The following ERBB4 variants were observed in gnomAD, a reference collection of about 807,000 sequenced individuals.
ERBB4 encodes the protein receptor tyrosine-protein kinase erbB-4.
ERBB4 carries 42 observed loss-of-function variants against 158.0 expected under a neutral mutation model. The ratio of observed to expected loss-of-function variants is 0.27; its 90% CI spans 0.21 to 0.34. The LOEUF (loss-of-function observed/expected upper bound fraction) is 0.34. ERBB4 is among the 10% of genes least tolerant of loss of function. The pLI is 1.00. For synonymous variants in ERBB4, 583 were observed against 558.7 expected (o/e 1.04, Z -0.61); for missense variants, 1,333 against 1,624.1 (o/e 0.82, Z 3.08).
At position 212,191,817 on chromosome 2, in the gene ERBB4, A is replaced by T. The variant is rs993132892; in HGVS notation, c.83-66914T>A. Among the ~76,000 whole-genome samples, 30 of 138,018 alleles carry T rather than the reference A, an allele frequency of 2.2e-4. 1 individual carries two copies. Among genetic ancestry groups the T allele is most frequent in the Non-Finnish European group, 4.6e-4 (29 of 63,018 alleles). 90.5% of individuals were successfully genotyped at this position (138,018 alleles called of 152,430 possible). A position where few individuals can be genotyped will look rare whatever the true frequency, so the allele number is the denominator to read the frequency against. ...CTATATGTTATATATAATACATGTT[A>T]TATATGTTCTATGTTATATATAATA... On this transcript the variant is annotated intron_variant, in intron 1 of 27. Transcript: ENST00000342788.
intron 1 of ERBB4, among the ~76,000 whole-genome samples, chr2:212,288,833 A>C (rs1329012796): frequency 6.6e-6 from 1 of 152,036 alleles, no homozygotes; most frequent in Non-Finnish European, 1.5e-5. Flanking sequence ...TCCCACCAAG[A>C]CTACCTGTTT....
intron 1 of ERBB4, among the ~76,000 whole-genome samples, chr2:212,129,500 AAT>A (rs1352502077): frequency 2.0e-5 from 3 of 151,646 alleles, no homozygotes; most frequent in African/African-American, 7.2e-5. Context: ...TATTCATTTA[AAT>A]ATTTGTATGG....
At chr2:211,940,415 A>G (rs2080461678) in intron 3 of ERBB4, among the ~76,000 whole-genome samples, 1 of 152,112 alleles carries the variant, frequency 6.6e-6, no homozygotes, top group Non-Finnish European at 1.5e-5. Flanking sequence ...TGTCTCCCTT[A>G]TACATTTTTT....
At chr2:212,204,817 T>C (rs2082694654) in intron 1 of ERBB4, among the ~76,000 whole-genome samples, 1 of 32,266 alleles carries the variant, frequency 3.1e-5, no homozygotes, top group Non-Finnish European at 7.7e-5. Context: ...ATATGAAAAC[T>C]TTTTTTTTTT....
chr2:212,445,413 C>G (rs986706322), intron 1 of ERBB4, among the ~76,000 whole-genome samples: 2 of 152,036 alleles, frequency 1.3e-5, no homozygotes, highest in African/African-American at 4.8e-5. Context: ...GTCTTCGATC[C>G]AGAGGGAGGA....
intron 1 of ERBB4, among the ~76,000 whole-genome samples, chr2:212,512,466 C>A (rs1035012619): frequency 6.6e-6 from 1 of 151,860 alleles, no homozygotes; most frequent in Non-Finnish European, 1.5e-5. Context: ...ATGGCAGAAC[C>A]CAATAAATAG....
chr2:211,571,617 CTTATT>C (rs1234923865), intron 19 of ERBB4, among the ~76,000 whole-genome samples: 1 of 152,082 alleles, frequency 6.6e-6, no homozygotes, highest in African/African-American at 2.4e-5. Flanking sequence ...TAACATCTAT[CTTATT>C]TTATTAGAAT....
chr2:211,790,083 GA>G (rs1203019985), intron 3 of ERBB4, among the ~76,000 whole-genome samples: 1 of 151,964 alleles, frequency 6.6e-6, no homozygotes, highest in African/African-American at 2.4e-5. Context: ...CATCAAAGCA[GA>G]AGGGAGACGT....
chr2:212,036,681 C>T lies in ERBB4; in HGVS notation c.234+88071G>A, dbSNP rs186349511. Among the ~76,000 whole-genome samples the T allele has an allele frequency of 3.9e-3, 600 of 152,120 alleles. 2 individuals carry two copies. The highest frequency in any genetic ancestry group is 0.013 in the African/African-American group (552 of 41,520). On this transcript the variant is annotated intron_variant, in intron 2 of 27. Coordinates refer to ENST00000342788, the MANE Select transcript of ERBB4 (RefSeq NM_005235.3). ...GGTTTTCACCGTGTTAGTCAGGATG[C>T]TCTTGATCTCCTGACCTCGTGATCC...
intron 23 of ERBB4, among the ~76,000 whole-genome samples, chr2:211,423,892 CTAAT>C (rs1370290389): frequency 1.3e-5 from 2 of 151,788 alleles, no homozygotes; most frequent in Admixed American, 6.6e-5. Flanking sequence ...ATTATTGTGA[CTAAT>C]TACCTCTCTT....
rs916691987 is a variant in ERBB4 at position 212,344,470 on chromosome 2, GTA to G, written c.82+193977_82+193978del. 6.9e-4 allele frequency among the ~76,000 whole-genome samples: 89 copies of G among 129,432 alleles called. 1 individual carries two copies. The highest frequency in any genetic ancestry group is 1.3e-3 in the African/African-American group (40 of 30,082). 84.9% of individuals were successfully genotyped at this position (129,432 alleles called of 152,430 possible). A position where few individuals can be genotyped will look rare whatever the true frequency, so the allele number is the denominator to read the frequency against. On this transcript the variant is annotated intron_variant, in intron 1 of 27. Transcript: ENST00000342788. ...AGATAGCTACCATATATATGTGTGT[GTA>G]TATATGTGTGTGTGTGTGTGTGTGT...
chr2:211,554,479 C>T (rs553895559), intron 20 of ERBB4, among the ~76,000 whole-genome samples: 3 of 152,312 alleles, frequency 2.0e-5, no homozygotes, highest in East Asian at 1.9e-4. Context: ...ACACAGCACA[C>T]GCAGTGCTGG....
chr2:211,868,935 C>A (rs535171464), intron 3 of ERBB4, among the ~76,000 whole-genome samples: 1 of 152,294 alleles, frequency 6.6e-6, no homozygotes, highest in Non-Finnish European at 1.5e-5. Flanking sequence ...AGCCTCCTAA[C>A]CATGATGCTT....
At chr2:212,072,934 C>G (rs2078166297) in intron 2 of ERBB4, among the ~76,000 whole-genome samples, 1 of 149,038 alleles carries the variant, frequency 6.7e-6, no homozygotes, top group Admixed American at 6.7e-5. Context: ...CATGAAAGCA[C>G]ACATCAAACA....
chr2:211,598,429 G>A (rs1045546398), intron 19 of ERBB4, among the ~76,000 whole-genome samples: 2 of 152,186 alleles, frequency 1.3e-5, no homozygotes, highest in Non-Finnish European at 2.9e-5. Flanking sequence ...AGTTGATGGT[G>A]TCAACATTCA....
At chr2:211,989,223 CTG>C (rs1261597780) in intron 2 of ERBB4, among the ~76,000 whole-genome samples, 1 of 151,872 alleles carries the variant, frequency 6.6e-6, no homozygotes, top group East Asian at 1.9e-4. Flanking sequence ...TAAATCTTTA[CTG>C]TGTCTTCTTG....
chr2:211,644,636 T>C (rs955267330), intron 16 of ERBB4, among the ~76,000 whole-genome samples: 1 of 152,170 alleles, frequency 6.6e-6, no homozygotes, highest in African/African-American at 2.4e-5. Context: ...TCCAATCTGT[T>C]CTTTACTTTT....
At chr2:211,418,369 G>A (rs922354298) in intron 25 of ERBB4, among the ~76,000 whole-genome samples, 1 of 152,050 alleles carries the variant, frequency 6.6e-6, no homozygotes, top group Admixed American at 6.5e-5. Context: ...GACAAATAAA[G>A]CTTTTTAAAT....
At chr2:211,629,484 T>C (rs1574887780) in intron 17 of ERBB4, among the ~76,000 whole-genome samples, 3 of 152,270 alleles carry the variant, frequency 2.0e-5, no homozygotes, top group East Asian at 3.9e-4. Flanking sequence ...AGGTAATTTA[T>C]AGATTCAATG....
Sources: allele counts gnomAD v4.1 joint callset (sites outside exome capture counted in the v4.1 genomes callset), GRCh38; gene constraint gnomAD v4.1.1; transcripts MANE v1.5; gene names NCBI Gene and HGNC (gene_info 2026-07-23, HGNC 2026-07-21).